GABRA2: variants seen among roughly 807,000 people sequenced by gnomAD.
GABRA2 encodes gamma-aminobutyric acid receptor subunit alpha-2.
GABRA2 carries 16 observed loss-of-function variants against 48.7 expected under a neutral mutation model. The ratio of observed to expected loss-of-function variants is 0.33; its 90% CI spans 0.22 to 0.50. The LOEUF is 0.50. Among genes scored for constraint, GABRA2 ranks in the 20% least tolerant of loss-of-function variants. The pLI is 0.98. For synonymous variants in GABRA2, 185 were observed against 184.5 expected (o/e 1.00, Z -0.02); for missense variants, 275 against 535.6 (o/e 0.51, Z 4.80).
intron 3 of GABRA2, among the ~76,000 whole-genome samples, chr4:46,351,993 C>CCA (rs1735209882): frequency 1.2e-5 from 1 of 84,126 alleles, no homozygotes. Flanking sequence ...TTTTACCTGT[C>CCA]CACTTACTTG....
chr4:46,297,137 A>G (rs1200452652), intron 8 of GABRA2, among the ~76,000 whole-genome samples: 2 of 152,096 alleles, frequency 1.3e-5, no homozygotes, highest in East Asian at 3.9e-4. Context: ...GATGCAAAGT[A>G]TTGATCCTGG....
At chr4:46,339,550 C>T (rs1334912201) in intron 3 of GABRA2, among the ~76,000 whole-genome samples, 2 of 151,798 alleles carry the variant, frequency 1.3e-5, no homozygotes, top group African/African-American at 4.8e-5. Flanking sequence ...CATAATGAAG[C>T]TTATTATAGC....
At chr4:46,334,172 C>T (rs1048618315) in intron 3 of GABRA2, among the ~76,000 whole-genome samples, 1 of 152,070 alleles carries the variant, frequency 6.6e-6, no homozygotes, top group Non-Finnish European at 1.5e-5. Context: ...TACAAAGTAC[C>T]ATAGGACCCT....
At chr4:46,377,965 G>T (rs1385958410) in intron 3 of GABRA2, among the ~76,000 whole-genome samples, 1 of 145,564 alleles carries the variant, frequency 6.9e-6, no homozygotes, top group Non-Finnish European at 1.5e-5. Context: ...CCGGCCAGCC[G>T]CCCCATCCAG....
At chr4:46,332,438 T>A (rs1449547133) in intron 4 of GABRA2, among the ~76,000 whole-genome samples, 177 bp downstream of exon 4, 2 of 152,168 alleles carry the variant, frequency 1.3e-5, no homozygotes, top group African/African-American at 4.8e-5. Context: ...ATCCAAACAC[T>A]GAAGTTGGAA....
intron 4 of GABRA2, among the ~76,000 whole-genome samples, chr4:46,324,803 G>C (rs1578053461): frequency 6.6e-6 from 1 of 151,450 alleles, no homozygotes; most frequent in Non-Finnish European, 1.5e-5. Context: ...CCACTTACAA[G>C]TGAAAACATG....
At chr4:46,326,147 T>C (rs1477091526) in intron 4 of GABRA2, among the ~76,000 whole-genome samples, 2 of 151,950 alleles carry the variant, frequency 1.3e-5, no homozygotes, top group Non-Finnish European at 2.9e-5. Context: ...GAATAAATCT[T>C]ATTTAGTTTT....
At chr4:46,341,748 C>A (rs1287197588) in intron 3 of GABRA2, among the ~76,000 whole-genome samples, 1 of 152,000 alleles carries the variant, frequency 6.6e-6, no homozygotes, top group Admixed American at 6.6e-5. Context: ...GGCAATTCTG[C>A]AAGGCTTTCT....
chr4:46,295,878 A>G (rs550236941), intron 8 of GABRA2, among the ~76,000 whole-genome samples: 6 of 152,318 alleles, frequency 3.9e-5, no homozygotes, highest in African/African-American at 1.2e-4. Flanking sequence ...ACTATCATCT[A>G]TGGACTCATA....
chr4:46,368,432 A>G (rs975257292), intron 3 of GABRA2: 1 of 152,300 alleles, frequency 6.6e-6, no homozygotes, highest in Non-Finnish European at 1.5e-5. Context: ...GAAAGAAGAA[A>G]GAAACCATCA....
chr4:46,337,802 A>C (rs1486334767), intron 3 of GABRA2, among the ~76,000 whole-genome samples: 1 of 152,036 alleles, frequency 6.6e-6, no homozygotes, highest in Non-Finnish European at 1.5e-5. Context: ...CAGTAAAACT[A>C]TAAAGACATA....
intron 8 of GABRA2, among the ~76,000 whole-genome samples, chr4:46,301,912 AG>A (rs1261628676): frequency 2.0e-5 from 3 of 152,170 alleles, no homozygotes; most frequent in Admixed American, 2.0e-4. Flanking sequence ...AAACACAAAA[AG>A]GTAATCTACT....
chr4:46,312,397 A>G, intron 5 of GABRA2, 99 bp downstream of exon 5: 1 of 743,002 alleles, frequency 1.3e-6, no homozygotes, highest in Non-Finnish European at 2.3e-6. Flanking sequence ...GTTAGAAAAC[A>G]CTCAACTTTG....
At chr4:46,252,931 A>G (rs568731442) in intron 9 of GABRA2, among the ~76,000 whole-genome samples, 1 of 151,592 alleles carries the variant, frequency 6.6e-6, no homozygotes, top group African/African-American at 2.4e-5. Flanking sequence ...TCTTATTCTA[A>G]CCACATTGAG....
rs2109353703 is a variant in GABRA2, at chr4:46,244,976, T to C, written c.*5332A>G. On this transcript the variant is annotated 3_prime_UTR_variant, in exon 10 of 10. Coordinates refer to ENST00000381620, the MANE Select transcript of GABRA2 (RefSeq NM_000807.4). ...GAATATTCCCCAAAAGGCATGAATA[T>C]AAATTTGAATTAAAGCAAAGAAAAA... is the stretch of plus-strand genomic sequence containing the variant. Among the ~76,000 whole-genome samples, 1 of 151,532 alleles carries C rather than the reference T, an allele frequency of 6.6e-6. No individual in the cohort carries two copies. Among genetic ancestry groups the C allele is most frequent in the East Asian group, 2.0e-4 (1 of 5,114 alleles).
intron 3 of GABRA2, chr4:46,368,986 C>T (rs1409903145): frequency 1.4e-6 from 1 of 700,818 alleles, no homozygotes; most frequent in Admixed American, 2.0e-5. Flanking sequence ...GTTACACAGA[C>T]TGGAGATTCC....
At chr4:46,256,795 A>T (rs1560435581) in intron 9 of GABRA2, among the ~76,000 whole-genome samples, 2 of 151,804 alleles carry the variant, frequency 1.3e-5, no homozygotes, top group East Asian at 3.9e-4. Flanking sequence ...TTATAAATGC[A>T]AATAAATAAA....
chr4:46,352,919 G>T (rs1466087545), intron 3 of GABRA2, among the ~76,000 whole-genome samples: 1 of 152,072 alleles, frequency 6.6e-6, no homozygotes, highest in Non-Finnish European at 1.5e-5. Flanking sequence ...CTCTCTGAAA[G>T]TCTTCACTGT....
At chr4:46,361,894 A>G (rs754248259) in intron 3 of GABRA2, among the ~76,000 whole-genome samples, 2 of 152,222 alleles carry the variant, frequency 1.3e-5, no homozygotes, top group Non-Finnish European at 2.9e-5. Context: ...TTGGACTTGC[A>G]TGAGGCCTGT....
Sources: allele counts gnomAD v4.1 joint callset (sites outside exome capture counted in the v4.1 genomes callset), GRCh38; gene constraint gnomAD v4.1.1; transcripts MANE v1.5; gene names NCBI Gene and HGNC (gene_info 2026-07-23, HGNC 2026-07-21).